NPAS1: variants seen among roughly 807,000 people sequenced by gnomAD.
The protein encoded by NPAS1 is neuronal PAS domain protein 1.
Under a neutral mutation model 49.2 loss-of-function variants are expected in NPAS1, and 29 were observed. The observed-to-expected ratio is 0.59, with a 90% CI of 0.44 to 0.80. The LOEUF is 0.80. NPAS1 is among the 30% of genes least tolerant of loss of function. The probability of loss-of-function intolerance (pLI) is 0.00; values close to 1 mark genes in which losing one functional copy is unlikely to be tolerated. For synonymous variants in NPAS1, 408 were observed against 380.4 expected, an observed-to-expected ratio of 1.07 and a Z score of -0.84; for missense variants, 825 against 835.5, an observed-to-expected ratio of 0.99 and a Z score of 0.15.
At chr19:47,026,386 A>C (rs959711639) in intron 3 of NPAS1, among the ~76,000 whole-genome samples, 10 of 152,086 alleles carry the variant, frequency 6.6e-5, no homozygotes, top group African/African-American at 2.4e-4. Flanking sequence ...AGCCTCATGC[A>C]CTGTGGTAGG....
intron 3 of NPAS1, among the ~76,000 whole-genome samples, chr19:47,027,109 C>G (rs1336378538): frequency 6.6e-6 from 1 of 152,208 alleles, no homozygotes; most frequent in Non-Finnish European, 1.5e-5. Flanking sequence ...TGCCCCACCC[C>G]ATGGTGCTTG....
chr19:47,025,511 C>A (rs1012704258), intron 3 of NPAS1, among the ~76,000 whole-genome samples: 1 of 151,732 alleles, frequency 6.6e-6, no homozygotes, highest in African/African-American at 2.4e-5. Context: ...CTCCTGACCT[C>A]AGGTGATCCG....
chr19:47,026,332 T>A (rs2056870566), intron 3 of NPAS1, among the ~76,000 whole-genome samples: 1 of 152,160 alleles, frequency 6.6e-6, no homozygotes, highest in Non-Finnish European at 1.5e-5. Flanking sequence ...GAACAGCAGG[T>A]GCAAAGGCCC....
chr19:47,043,539 G>A (rs2081068), intron 11 of NPAS1, among the ~76,000 whole-genome samples: 131,484 of 152,030 alleles, frequency 0.86, 56,960 homozygotes, highest in East Asian at 0.97. Context: ...GCAGTGAGCC[G>A]AGATCATGCC....
Position 47,040,736 on chromosome 19 carries a change from TGTG to T in NPAS1, c.1069+188_1069+190del. The T allele has an allele frequency of 1.2e-5, 7 of 584,600 alleles. No individual in the cohort carries two copies. In the South Asian group the frequency reaches 1.5e-4, roughly 12 times the overall value. 36.2% of individuals were successfully genotyped at this position (584,600 alleles called of 1,614,324 possible). ...ACTGAGTGATGCCTCAGGATGTGTG[TGTG>T]GGGGGGGGGTCTGGGGGGCTGTGGG... On this transcript the variant is annotated intron_variant, in intron 9 of 11. Transcript: ENST00000602212.
At chr19:47,035,912 T>C (rs2122507000) in intron 5 of NPAS1, 52 bp from the exon 6 acceptor site, 1 of 1,454,516 alleles carries the variant, frequency 6.9e-7, no homozygotes, top group South Asian at 1.5e-5. Flanking sequence ...GGCGAGCGAG[T>C]TACTGCGCGC....
intron 9 of NPAS1, 185 bp from the exon 10 acceptor site, chr19:47,040,793 G>A (rs2057011813): frequency 4.8e-6 from 3 of 626,866 alleles, no homozygotes; most frequent in Admixed American, 3.1e-5. Context: ...AGGCCTCGCT[G>A]CTGGGCTACC....
chr19:47,023,828 T>C (rs757262765), intron 3 of NPAS1, among the ~76,000 whole-genome samples: 17 of 151,994 alleles, frequency 1.1e-4, no homozygotes, highest in Non-Finnish European at 2.4e-4. Context: ...AAATATTGGC[T>C]GGGCACGGTG....
intron 4 of NPAS1, 23 bp from the exon 5 acceptor site, chr19:47,032,620 C>T (rs780008365): frequency 6.2e-7 from 1 of 1,607,242 alleles, no homozygotes; most frequent in Non-Finnish European, 8.5e-7. Flanking sequence ...CTCCTTCCCC[C>T]TCCCTGTCTC....
intron 3 of NPAS1, among the ~76,000 whole-genome samples, chr19:47,022,571 A>G (rs1347819506): frequency 7.1e-6 from 1 of 140,204 alleles, no homozygotes; most frequent in African/African-American, 2.7e-5. Context: ...ATCAGCAGTA[A>G]CCTTGCAGGG....
chr19:47,024,013 G>T (rs1337352844), intron 3 of NPAS1, among the ~76,000 whole-genome samples: 1 of 152,014 alleles, frequency 6.6e-6, no homozygotes, highest in African/African-American at 2.4e-5. Context: ...GCTAAGGCAG[G>T]GGAATCACTT....
intron 8 of NPAS1, among the ~76,000 whole-genome samples, chr19:47,040,149 A>G (rs1036999901): frequency 2.0e-5 from 3 of 152,030 alleles, no homozygotes; most frequent in Admixed American, 1.3e-4. Flanking sequence ...CAGCCTCTCA[A>G]GTAGCTGGGA....
At chr19:47,040,143 C>G (rs928395432) in intron 8 of NPAS1, among the ~76,000 whole-genome samples, 3 of 152,170 alleles carry the variant, frequency 2.0e-5, no homozygotes, top group African/African-American at 7.2e-5. Flanking sequence ...TTGCCTCAGC[C>G]TCTCAAGTAG....
intron 10 of NPAS1, 129 bp downstream of exon 10, chr19:47,041,254 G>A: frequency 6.7e-6 from 6 of 897,488 alleles, no homozygotes; most frequent in Non-Finnish European, 9.5e-6. Flanking sequence ...ACACGAAGGG[G>A]AAGGAGGGGA....
At chr19:47,033,239 G>A (rs768165256) in intron 5 of NPAS1, among the ~76,000 whole-genome samples, 2 of 147,088 alleles carry the variant, frequency 1.4e-5, no homozygotes, top group African/African-American at 2.5e-5. Context: ...TGGCTGATGA[G>A]GGCTATTTTT....
At chr19:47,033,797 C>A (rs1344059120) in intron 5 of NPAS1, among the ~76,000 whole-genome samples, 1 of 149,014 alleles carries the variant, frequency 6.7e-6, no homozygotes, top group Non-Finnish European at 1.5e-5. Context: ...CCACCACCCC[C>A]ACCCCCACCA....
rs367800338 is a variant in NPAS1 at position 47,021,200 on chromosome 19, GC to G, written c.122+40del. ...CAAAGCCCCGCCCCCCTGGCCGCGG[GC>G]CCCCCCCCGGGTCCAATTCACACCC... is the stretch of plus-strand genomic sequence containing the variant. On this transcript the variant is annotated intron_variant, in intron 2 of 11. Transcript: ENST00000602212. This position sits in a 1 kb window ranked among gnomAD's most constrained non-coding sequence, Gnocchi z 5.7. 8.3e-4 allele frequency: 1,172 copies of G among 1,413,814 alleles called. 1 individual carries two copies. The highest frequency in any genetic ancestry group is 1.7e-3 in the Admixed American group (70 of 40,604). The allele number at this position is 1,413,814 out of a possible 1,614,324, so 87.6% of individuals were successfully genotyped here. A position where few individuals can be genotyped will look rare whatever the true frequency, so the allele number is the denominator to read the frequency against.
chr19:47,036,268 G>T, intron 6 of NPAS1, 139 bp downstream of exon 6: 1 of 970,592 alleles, frequency 1.0e-6, no homozygotes, highest in South Asian at 1.5e-5. Context: ...AAAAGGAATC[G>T]GAGTATAAAT....
intron 3 of NPAS1, among the ~76,000 whole-genome samples, chr19:47,028,248 C>T (rs921106782): frequency 6.6e-6 from 1 of 152,084 alleles, no homozygotes; most frequent in Non-Finnish European, 1.5e-5. Context: ...GCCTGTCACC[C>T]GGCTGGTTCC....
Sources: allele counts gnomAD v4.1 joint callset (sites outside exome capture counted in the v4.1 genomes callset), GRCh38; gene constraint gnomAD v4.1.1; non-coding constraint Gnocchi (gnomAD v3.1); transcripts MANE v1.5; gene names NCBI Gene and HGNC (gene_info 2026-07-23, HGNC 2026-07-21).